Variants in ZNF106 observed in about 807,000 individuals in gnomAD.
The protein encoded by ZNF106 is zinc finger protein 106.
In ZNF106, 67 loss-of-function variants were observed where a neutral mutation model predicts 195.1. The ratio of observed to expected loss-of-function variants is 0.34; its 90% CI spans 0.28 to 0.42. ZNF106 has a LOEUF of 0.42. Among genes scored for constraint, ZNF106 ranks in the 10% least tolerant of loss-of-function variants. The probability of loss-of-function intolerance (pLI) is 1.00; values close to 1 mark genes in which losing one functional copy is unlikely to be tolerated. For missense variants in ZNF106, 2,118 were observed against 2,304.5 expected, an observed-to-expected ratio of 0.92 and a Z score of 1.66; for synonymous variants, 784 against 818.6, an observed-to-expected ratio of 0.96 and a Z score of 0.72.
chr15:42,461,094 A>G (rs1389856608), intron 3 of ZNF106, among the ~76,000 whole-genome samples: 1 of 152,162 alleles, frequency 6.6e-6, no homozygotes, highest in African/African-American at 2.4e-5. Context: ...TTCTTTCTCT[A>G]TGTAGCCACA....
chr15:42,424,819 T>C lies in ZNF106; in HGVS notation c.5190+15A>G. The C allele has an allele frequency of 6.2e-7, 1 of 1,610,710 alleles. No homozygotes were observed. The highest frequency in any genetic ancestry group is 8.5e-7 in the Non-Finnish European group (1 of 1,177,498). ...TTTGTGCCAGACAACTCCGATTCTCTTGCACTGTACTTGCCTTCATGCAAA... is the reference window on the plus strand; with the variant it reads ...TTTGTGCCAGACAACTCCGATTCTCCTGCACTGTACTTGCCTTCATGCAAA... On this transcript the variant is annotated intron_variant, in intron 16 of 21. Transcript: ENST00000564754.
rs1349796005 is a variant in ZNF106 at position 42,424,943 on chromosome 15, T to C, written c.5081A>G (p.Lys1694Arg). The change falls in exon 16 of 22, where the codon AAA (lysine) becomes AGA (arginine). Residue 1694 changes from lysine to arginine, a missense_variant. Lys to Arg is a conservative substitution (Grantham distance 26). Coordinates refer to ENST00000564754, the MANE Select transcript of ZNF106 (RefSeq NM_001366845.3). ...GTCATAAGACCCCACGACCAGCAGT[T>C]TTCGGGCACCTTCCTGAGCTGTAGC... The part of the protein sequence containing the change: ...CLATAQEGAR[K>R]LLVVGSYDCT... The C allele has an allele frequency of 6.2e-7, 1 of 1,614,182 alleles. No homozygotes were observed. Among genetic ancestry groups the C allele is most frequent in the Admixed American group, 1.7e-5 (1 of 60,008 alleles).
chr15:42,471,946 ATCT>A (rs1397678087), intron 2 of ZNF106, among the ~76,000 whole-genome samples: 1 of 152,216 alleles, frequency 6.6e-6, no homozygotes, highest in Non-Finnish European at 1.5e-5. Context: ...ATTTTAAGGT[ATCT>A]TCCCTATAAC....
At position 42,437,342 on chromosome 15, in the gene ZNF106, T is replaced by C. The variant is rs1595451146; in HGVS notation, c.4636A>G (p.Thr1546Ala). The C allele has an allele frequency of 6.2e-7, 1 of 1,614,128 alleles. No homozygotes were observed. Among genetic ancestry groups the C allele is most frequent in the Non-Finnish European group, 8.5e-7 (1 of 1,180,028 alleles). Residue 1546 changes from threonine (T) to alanine (A), a missense_variant, in exon 13 of 22, where the codon ACA becomes GCA. Coordinates refer to ENST00000564754, the MANE Select transcript of ZNF106 (RefSeq NM_001366845.3). ...TGGTGTCCCTCAAAGCTTCCTTCTG[T>C]GGGTTCATCATCATCTCCTGGCTCT... ...SSEPGDDDEPTEGSFEGHQAA... is the reference protein window; with the variant it reads ...SSEPGDDDEPAEGSFEGHQAA...
At chr15:42,449,717 G>A (rs2055911642) in intron 5 of ZNF106, 54 bp downstream of exon 5, 1 of 1,548,562 alleles carries the variant, frequency 6.5e-7, no homozygotes, top group South Asian at 1.3e-5. Context: ...CAGGGTCAAA[G>A]GGTTACTTTA....
At chr15:42,419,217 A>T (rs1451927198) in intron 20 of ZNF106, among the ~76,000 whole-genome samples, 1 of 152,088 alleles carries the variant, frequency 6.6e-6, no homozygotes, top group African/African-American at 2.4e-5. Flanking sequence ...AAAATACAAA[A>T]ATCAGCCAGG....
At chr15:42,419,864 C>T (rs910864071) in intron 20 of ZNF106, among the ~76,000 whole-genome samples, 10 of 152,222 alleles carry the variant, frequency 6.6e-5, no homozygotes, top group East Asian at 3.9e-4. Flanking sequence ...GCAGGAGAAT[C>T]GCTTGAACCA....
At position 42,426,139 on chromosome 15, in the gene ZNF106, G is replaced by A. The variant is rs533729106; in HGVS notation, c.4999-1114C>T. Reference sequence around the variant, plus strand: ...GAAAGGAGGTCAGGACCCAAAGGTGGACCGGCCCTGGTAAACAGTCCTGGC... The same window carrying A: ...GAAAGGAGGTCAGGACCCAAAGGTGAACCGGCCCTGGTAAACAGTCCTGGC... On this transcript the variant is annotated intron_variant, in intron 15 of 21. Coordinates refer to ENST00000564754, the MANE Select transcript of ZNF106 (RefSeq NM_001366845.3). Among the ~76,000 whole-genome samples the A allele has an allele frequency of 2.6e-5, 4 of 152,200 alleles. No individual in the cohort carries two copies. In the South Asian group the frequency reaches 6.2e-4, roughly 24 times the overall value.
chr15:42,487,482 C>A (rs1403283712), intron 1 of ZNF106, among the ~76,000 whole-genome samples: 2 of 128,280 alleles, frequency 1.6e-5, no homozygotes, highest in African/African-American at 7.2e-5. Context: ...CTGAGCAAGA[C>A]CCTGTCTCAA....
chr15:42,437,478 C>A (rs924581315), intron 12 of ZNF106, 101 bp from the exon 13 acceptor site: 17 of 1,359,990 alleles, frequency 1.3e-5, no homozygotes, highest in Non-Finnish European at 1.6e-5. Context: ...TAGATTAAAC[C>A]AAAAGTAGAT....
intron 1 of ZNF106, among the ~76,000 whole-genome samples, chr15:42,486,133 T>A (rs960039852): frequency 3.3e-5 from 5 of 151,952 alleles, no homozygotes; most frequent in Non-Finnish European, 7.4e-5. Context: ...CTAACTTTTG[T>A]ATTTTTTAGT....
chr15:42,463,825 A>G (rs1366991279), intron 3 of ZNF106, among the ~76,000 whole-genome samples: 1 of 152,122 alleles, frequency 6.6e-6, no homozygotes, highest in Non-Finnish European at 1.5e-5. Flanking sequence ...ATTAAAAATA[A>G]TAAGGGCTCC....
rs2054317706 is a variant in ZNF106 at position 42,412,947 on chromosome 15, T to A, written c.*4357A>T. ...TATTTGCTTATAAACATTTTTGCAG[T>A]CAGGTGTCATCTGATTTCATTCTTC... On this transcript the variant is annotated 3_prime_UTR_variant, in exon 22 of 22. Transcript: ENST00000564754. 2 of 152,234 alleles carry A rather than the reference T, an allele frequency of 1.3e-5. No homozygotes were observed. Among genetic ancestry groups the A allele is most frequent in the African/African-American group, 4.8e-5 (2 of 41,464 alleles). 9.4% of individuals were successfully genotyped at this position (152,234 alleles called of 1,614,324 possible). A position where few individuals can be genotyped will look rare whatever the true frequency, so the allele number is the denominator to read the frequency against.
At chr15:42,490,884 G>A (rs938245811) in intron 1 of ZNF106, 96 bp downstream of exon 1, 1 of 152,374 alleles carries the variant, frequency 6.6e-6, no homozygotes, top group African/African-American at 2.4e-5. Context: ...TAGAAACCCG[G>A]TGGTGTCTTG....
intron 1 of ZNF106, among the ~76,000 whole-genome samples, chr15:42,485,658 T>C (rs1052363340): frequency 6.6e-6 from 1 of 152,120 alleles, no homozygotes; most frequent in African/African-American, 2.4e-5. Context: ...CTTAGCTGCT[T>C]AGGATAGGCT....
rs997865934 is a variant in ZNF106 at position 42,441,974 on chromosome 15, ATTTTAG to A, written c.3763+93_3763+98del. 1.7e-5 allele frequency: 15 copies of A among 898,930 alleles called. No homozygotes were observed. The African/African-American group carries it at 2.2e-4, about 13-fold the overall frequency. The allele number at this position is 898,930 out of a possible 1,614,324, so 55.7% of individuals were successfully genotyped here. A position where few individuals can be genotyped will look rare whatever the true frequency, so the allele number is the denominator to read the frequency against. On this transcript the variant is annotated intron_variant, in intron 10 of 21. Transcript: ENST00000564754. ...AGTGACAAATTAGTTGTACTTGCTC[ATTTTAG>A]TTTTAATGAGCAAGTATGGCTTATA...
intron 1 of ZNF106, among the ~76,000 whole-genome samples, chr15:42,478,181 T>C (rs985017453): frequency 2.0e-5 from 3 of 152,182 alleles, no homozygotes; most frequent in African/African-American, 4.8e-5. Context: ...TTTTATTTTT[T>C]GAGACAGAGT....
At chr15:42,473,863 T>C (rs1238548470) in intron 1 of ZNF106, among the ~76,000 whole-genome samples, 2 of 152,216 alleles carry the variant, frequency 1.3e-5, no homozygotes, top group Non-Finnish European at 2.9e-5. Flanking sequence ...GAAGTGATGC[T>C]GTATAACTTA....
In ZNF106 at chr15:42,439,310, T is replaced by G; in HGVS notation, c.4267A>C (p.Thr1423Pro). Residue 1423 changes from threonine (T) to proline (P), a missense_variant, in exon 11 of 22, where the codon ACT (threonine) becomes CCT (proline). Thr to Pro is a conservative substitution (Grantham distance 38). Transcript: ENST00000564754. ...LIKGGKVTTSTWEDSRTGREQ... is the reference protein window; with the variant it reads ...LIKGGKVTTSPWEDSRTGREQ... ...CGACCAGTCCTGCTGTCTTCCCAAG[T>G]GGAGGTTGTTACTTTCCCCCCTTTA... The G allele has an allele frequency of 1.9e-6, 3 of 1,614,144 alleles. No individual in the cohort carries two copies. Among genetic ancestry groups the G allele is most frequent in the African/African-American group, 1.3e-5 (1 of 75,062 alleles).
Sources: allele counts gnomAD v4.1 joint callset (sites outside exome capture counted in the v4.1 genomes callset), GRCh38; gene constraint gnomAD v4.1.1; transcripts MANE v1.5; gene names NCBI Gene and HGNC (gene_info 2026-07-23, HGNC 2026-07-21).